The following HUWE1 variants were observed in gnomAD, a reference collection of about 807,000 sequenced individuals.
HUWE1 encodes HECT, UBA and WWE domain containing E3 ubiquitin protein ligase 1.
A neutral mutation model predicts 299.4 loss-of-function variants in HUWE1; 18 were observed. The observed-to-expected ratio is 0.06, with a 90% CI of 0.04 to 0.09. HUWE1 has a LOEUF of 0.09. Among genes scored for constraint, HUWE1 ranks in the 10% least tolerant of loss-of-function variants. The pLI, the probability that HUWE1 is intolerant of heterozygous loss-of-function variation, is 1.00. For synonymous variants in HUWE1, 1,317 were observed against 1,286.1 expected, an observed-to-expected ratio of 1.02 and a Z score of -0.51; for missense variants, 1,832 against 3,462.3, an observed-to-expected ratio of 0.53 and a Z score of 11.82.
intron 3 of HUWE1, among the ~76,000 whole-genome samples, chrX:53,677,088 C>T (rs1305768896): frequency 2.3e-5 from 2 of 87,594 alleles, no homozygotes; most frequent in African/African-American, 4.2e-5. Flanking sequence ...CCCCCCCACC[C>T]CACCCCCCCG....
chrX:53,609,148 C>A (rs186840637), intron 23 of HUWE1, among the ~76,000 whole-genome samples: 1 of 110,875 alleles, frequency 9.0e-6, no homozygotes, highest in Non-Finnish European at 1.9e-5. Flanking sequence ...ACTCATATAC[C>A]GCAGGAAAAA....
At chrX:53,577,384 G>A (rs997809107) in intron 43 of HUWE1, among the ~76,000 whole-genome samples, 3 of 102,645 alleles carry the variant, frequency 2.9e-5, no homozygotes, top group African/African-American at 1.1e-4. Context: ...ATATAACTGA[G>A]AAATGCCCAG....
At chrX:53,675,876 G>T (rs917750081) in intron 3 of HUWE1, among the ~76,000 whole-genome samples, 1 of 111,612 alleles carries the variant, frequency 9.0e-6, no homozygotes, top group African/African-American at 3.3e-5. Context: ...TGAACACCTT[G>T]AATAGGAGGG....
intron 2 of HUWE1, among the ~76,000 whole-genome samples, chrX:53,683,280 G>A (rs1447864995): frequency 9.0e-6 from 1 of 111,142 alleles, no homozygotes; most frequent in East Asian, 2.8e-4. Context: ...GAGGGGTGTG[G>A]GGAGAGGAGG....
chrX:53,664,664 C>A (rs2069162920), intron 3 of HUWE1, among the ~76,000 whole-genome samples: 1 of 111,876 alleles, frequency 8.9e-6, no homozygotes, highest in Non-Finnish European at 1.9e-5. Context: ...TCCAAAGTAC[C>A]ACAAAGCAAA....
intron 2 of HUWE1, among the ~76,000 whole-genome samples, chrX:53,684,370 G>A (rs781829767): frequency 8.9e-6 from 1 of 111,976 alleles, no homozygotes; most frequent in East Asian, 2.8e-4. Flanking sequence ...AGTTTTTCGG[G>A]GGAAGGGAGG....
intron 39 of HUWE1, 96 bp from the exon 40 acceptor site, chrX:53,585,284 G>T: frequency 3.4e-6 from 3 of 873,922 alleles, no homozygotes; most frequent in Admixed American, 5.0e-5. Context: ...ACTCACCCAG[G>T]AAAAAGAAAT....
chrX:53,585,626 T>G (rs1232178630), intron 39 of HUWE1, among the ~76,000 whole-genome samples: 2 of 112,388 alleles, frequency 1.8e-5, no homozygotes, highest in Non-Finnish European at 3.8e-5. Context: ...TGTCACCAGA[T>G]GTGGTCCCTT....
chrX:53,549,900 G>A lies in HUWE1; in HGVS notation c.9489-395C>T, dbSNP rs145764869. Among the ~76,000 whole-genome samples, 27 of 109,785 alleles carry A rather than the reference G, an allele frequency of 2.5e-4. No individual in the cohort carries two copies. In the East Asian group the frequency reaches 5.7e-3, roughly 23 times the overall value. On this transcript the variant is annotated intron_variant, in intron 66 of 83. Transcript: ENST00000262854. Reference sequence around the variant, plus strand: ...CCCGAGTAGCTGGGATTACTAGTGCGCGCCACCACACCCGACTACTTTTTG... The same window carrying A: ...CCCGAGTAGCTGGGATTACTAGTGCACGCCACCACACCCGACTACTTTTTG...
chrX:53,598,015 T>C (rs1218124791), intron 29 of HUWE1, among the ~76,000 whole-genome samples: 1 of 111,410 alleles, frequency 9.0e-6, no homozygotes, highest in Non-Finnish European at 1.9e-5. Context: ...AGTTTGTGGA[T>C]ATAGCAAAAA....
chrX:53,535,134 C>CA (rs2060968760), intron 81 of HUWE1, among the ~76,000 whole-genome samples: 1 of 110,918 alleles, frequency 9.0e-6, no homozygotes, highest in Non-Finnish European at 1.9e-5. Context: ...GGGGTTTCAC[C>CA]ATGTTGGCCA....
At chrX:53,677,090 A>AC (rs1367804202) in intron 3 of HUWE1, among the ~76,000 whole-genome samples, 133 of 33,848 alleles carry the variant, frequency 3.9e-3, no homozygotes, top group African/African-American at 8.7e-3. Flanking sequence ...CCCCCACCCC[A>AC]CCCCCCCGCA....
Position 53,564,767 on chromosome X carries a change from G to C in HUWE1, c.6881-45C>G, listed in dbSNP as rs1276570358. 5.8e-6 allele frequency: 7 copies of C among 1,204,757 alleles called. No individual in the cohort carries two copies. In the South Asian group the frequency reaches 1.1e-4, roughly 18 times the overall value. On this transcript the variant is annotated intron_variant, in intron 50 of 83. Transcript: ENST00000262854. ...AGCAAAATAATCAAAGAGTGCCTAT[G>C]TGCTGGGCACCATGAGGCAAGCGCA...
rs782097155 is a variant in HUWE1 at position 53,569,742 on chromosome X, C to T, written c.6398G>A (p.Arg2133His). The change falls in exon 48 of 84, where the codon CGC becomes CAC. Residue 2133 changes from arginine (R) to histidine (H), a missense_variant. Physicochemically the swap from Arg to His is conservative, Grantham distance 29. This residue lies in a region of HUWE1 where 157 missense variants were observed against 252.3 expected (regional missense o/e 0.62). Transcript: ENST00000262854. ...AGCAGCCAGGCTTGCGAGGAACAGG[C>T]GGGCCAAGGCAGGGGTGTCCTTGTC... ...AEDKDTPALARLFLASLAAAG... is the reference protein window; with the variant it reads ...AEDKDTPALAHLFLASLAAAG... The T allele has an allele frequency of 8.3e-7, 1 of 1,211,807 alleles. No individual in the cohort carries two copies. The highest frequency in any genetic ancestry group is 1.1e-6 in the Non-Finnish European group (1 of 895,328).
At chrX:53,686,529 G>C (rs1463366008) in intron 1 of HUWE1, 59 bp downstream of exon 1, 2 of 113,201 alleles carry the variant, frequency 1.8e-5, no homozygotes, top group African/African-American at 3.2e-5. Context: ...CCACCCGCGA[G>C]AAACCGAGAA....
At chrX:53,614,821 G>T in intron 22 of HUWE1, 76 bp from the exon 23 acceptor site, 1 of 697,851 alleles carries the variant, frequency 1.4e-6, no homozygotes, top group Non-Finnish European at 2.2e-6. Flanking sequence ...CATATTTAGA[G>T]CGTTTTCTAT....
At position 53,558,993 on chromosome X, in the gene HUWE1, C is replaced by G. The variant is rs1556938145; in HGVS notation, c.7983G>C (p.Glu2661Asp). 8.5e-7 allele frequency: 1 copy of G among 1,182,891 alleles called. No homozygotes were observed. The highest frequency in any genetic ancestry group is 1.9e-5 in the South Asian group (1 of 53,935). Reference sequence around the variant, plus strand: ...CACCTGAAACACAGTCATGCATGCTCTCAGCATCGAGAACTTTGCATTCTT... The same window carrying G: ...CACCTGAAACACAGTCATGCATGCTGTCAGCATCGAGAACTTTGCATTCTT... ...WTEECKVLDA[E>D]SMHDCVSVVK... Residue 2661 changes from glutamate (E) to aspartate (D), a missense_variant, in exon 58 of 84, where the codon GAG becomes GAC. Coordinates refer to ENST00000262854, the MANE Select transcript of HUWE1 (RefSeq NM_031407.7).
At chrX:53,602,456 A>G in intron 28 of HUWE1, 108 bp downstream of exon 28, 1 of 504,565 alleles carries the variant, frequency 2.0e-6, no homozygotes, top group Non-Finnish European at 3.5e-6. Context: ...GAGGATGAAA[A>G]CTAGACTATG....
chrX:53,649,783 G>A (rs1476097061), intron 4 of HUWE1, among the ~76,000 whole-genome samples: 5 of 112,276 alleles, frequency 4.5e-5, no homozygotes, highest in Non-Finnish European at 9.4e-5. Flanking sequence ...CTAATGGAAT[G>A]CAGCTGTACA....
Sources: gnomAD v4.1 joint callset for allele counts (sites outside exome capture counted in the v4.1 genomes callset) on GRCh38, gnomAD v4.1.1 for gene constraint, gnomAD v4.1.1 regional missense constraint, MANE v1.5 for transcripts, NCBI Gene and HGNC (gene_info 2026-07-23, HGNC 2026-07-21) for gene names.